Variants in MAK16 observed in about 807,000 individuals in gnomAD.
MAK16 encodes protein MAK16 homolog.
Under a neutral mutation model 49.9 loss-of-function variants are expected in MAK16, and 12 were observed. The ratio of observed to expected loss-of-function variants is 0.24; its 90% confidence interval spans 0.15 to 0.39. MAK16 has a LOEUF of 0.39. Among genes scored for constraint, MAK16 ranks in the 10% least tolerant of loss-of-function variants. MAK16 has a pLI of 1.00. For missense variants in MAK16, 292 were observed against 363.7 expected (o/e 0.80, Z 1.60); for synonymous variants, 115 against 126.4 (o/e 0.91, Z 0.60).
At position 33,489,252 on chromosome 8, in the gene MAK16, A is replaced by G. The variant is rs933672848; in HGVS notation, c.392+113A>G. ...TCTATTCAACTTTGTGGAGTCTGTT[A>G]TGATGTACTAAAGAGAAACTTTAGC... is the stretch of plus-strand genomic sequence containing the variant. On this transcript the variant is annotated intron_variant, in intron 5 of 9. Transcript: ENST00000360128. This position sits in a 1 kb window ranked among gnomAD's most constrained non-coding sequence, Gnocchi z 4.2. 1.2e-5 allele frequency: 11 copies of G among 906,780 alleles called. No individual in the cohort carries two copies. The highest frequency in any genetic ancestry group is 5.1e-5 in the East Asian group (2 of 39,034). 56.2% of individuals were successfully genotyped at this position (906,780 alleles called of 1,614,324 possible).
In MAK16 at chr8:33,498,910, C is replaced by T. The variant is rs1453341983; in HGVS notation, c.*281C>T. Reference sequence around the variant, plus strand: ...AGTTCTTGAATCTGGGATGAGATGACGGATGTAAATATTTCTAAATTTTAA... The same window carrying T: ...AGTTCTTGAATCTGGGATGAGATGATGGATGTAAATATTTCTAAATTTTAA... On this transcript the variant is annotated 3_prime_UTR_variant, in exon 10 of 10. Coordinates refer to ENST00000360128, the MANE Select transcript of MAK16 (RefSeq NM_032509.4). 23 of 573,116 alleles carry T rather than the reference C, an allele frequency of 4.0e-5. No individual in the cohort carries two copies. The highest frequency in any genetic ancestry group is 4.6e-4 in the Middle Eastern group (1 of 2,188). The allele number at this position is 573,116 out of a possible 1,614,324, so 35.5% of individuals were successfully genotyped here.
chr8:33,490,456 A>T, intron 6 of MAK16, 117 bp downstream of exon 6: 11 of 684,458 alleles, frequency 1.6e-5, no homozygotes, highest in Non-Finnish European at 2.5e-5. Flanking sequence ...TCACTAATAG[A>T]TAACTATTAG....
At chr8:33,487,395 G>A (rs1241448941) in intron 1 of MAK16, among the ~76,000 whole-genome samples, 2 of 151,244 alleles carry the variant, frequency 1.3e-5, no homozygotes, top group Non-Finnish European at 2.9e-5. Flanking sequence ...TAAAATTATG[G>A]TATGTATATC....
At chr8:33,494,295 G>T (rs1808822342) in intron 6 of MAK16, among the ~76,000 whole-genome samples, 1 of 152,112 alleles carries the variant, frequency 6.6e-6, no homozygotes, top group Admixed American at 6.5e-5. Context: ...GGCTGGTCTT[G>T]ATCTCCTGAC....
At chr8:33,495,418 A>G (rs1808841379) in intron 6 of MAK16, 124 bp from the exon 7 acceptor site, 2 of 771,170 alleles carry the variant, frequency 2.6e-6, no homozygotes, top group African/African-American at 1.8e-5. Flanking sequence ...AAAAGCCAGT[A>G]TTAGCAAGGA....
In MAK16 at chr8:33,499,230, C is replaced by T. The variant is rs1209476527; in HGVS notation, c.*601C>T. 1 of 1,614,042 alleles carries T rather than the reference C, an allele frequency of 6.2e-7. No homozygotes were observed. The highest frequency in any genetic ancestry group is 8.5e-7 in the Non-Finnish European group (1 of 1,179,990). Reference sequence around the variant, plus strand: ...CCTGCTGCACTTTTCTGATATAGTTCACCACTTTTCTGTCTTCACAGCTTT... The same window carrying T: ...CCTGCTGCACTTTTCTGATATAGTTTACCACTTTTCTGTCTTCACAGCTTT... On this transcript the variant is annotated 3_prime_UTR_variant, in exon 10 of 10. Transcript: ENST00000360128.
At chr8:33,486,375 A>G (rs1385504199) in intron 1 of MAK16, among the ~76,000 whole-genome samples, 2 of 152,232 alleles carry the variant, frequency 1.3e-5, no homozygotes, top group African/African-American at 4.8e-5. Context: ...CAATAAAGTG[A>G]GACTCCATCT....
chr8:33,496,898 G>A (rs1164794348), intron 8 of MAK16, among the ~76,000 whole-genome samples, 157 bp downstream of exon 8: 1 of 152,068 alleles, frequency 6.6e-6, no homozygotes, highest in Non-Finnish European at 1.5e-5. Context: ...CTGTTCTTCA[G>A]GCTAACCAAC....
rs1354348171 is a variant in MAK16 at position 33,499,930 on chromosome 8, A to T, written c.*1301A>T. ...TACCTAAAAGATGGTTGTCCCTAAA[A>T]AACTGGAAACATCTGAAATGCTCTA... On this transcript the variant is annotated 3_prime_UTR_variant, in exon 10 of 10. Coordinates refer to ENST00000360128, the MANE Select transcript of MAK16 (RefSeq NM_032509.4). 6.3e-6 allele frequency: 1 copy of T among 158,762 alleles called. No homozygotes were observed. Among genetic ancestry groups the T allele is most frequent in the African/African-American group, 2.4e-5 (1 of 41,516 alleles). 9.8% of individuals were successfully genotyped at this position (158,762 alleles called of 1,614,324 possible).
At chr8:33,496,877 C>A (rs761930672) in intron 8 of MAK16, 136 bp downstream of exon 8, 2 of 669,144 alleles carry the variant, frequency 3.0e-6, no homozygotes, top group Admixed American at 3.1e-5. Context: ...TTTGGTTTAG[C>A]ACTGGTTGCT....
Position 33,499,307 on chromosome 8 carries a change from A to T in MAK16, c.*678A>T, listed in dbSNP as rs79438627. ...AACATGAAACCAAACAGGCTTTGAT[A>T]TTTTTTTTTTTTTAATTACTTTCCC... On this transcript the variant is annotated 3_prime_UTR_variant, in exon 10 of 10. Coordinates refer to ENST00000360128, the MANE Select transcript of MAK16 (RefSeq NM_032509.4). The T allele has an allele frequency of 4.2e-3, 5,118 of 1,228,944 alleles. 132 individuals carry two copies. The African/African-American group carries it at 0.056, about 13-fold the overall frequency. The allele number at this position is 1,228,944 out of a possible 1,614,324, so 76.1% of individuals were successfully genotyped here.
rs373720446 is a variant in MAK16, at chr8:33,497,282, C to T, written c.690C>T (p.Asp230=). ...AAGATGGTGAGGTAGATGAGAGTGA[C>T]ATAAGTGATTTTGAGGTGAGCTTTA... ...FVEDGEVDES[D]ISDFEDMDKL... Residue 230 remains aspartate, a synonymous_variant, in exon 9 of 10, where the codon GAC becomes GAT. Transcript: ENST00000360128. 10 of 1,581,372 alleles carry T rather than the reference C, an allele frequency of 6.3e-6. No homozygotes were observed. Among genetic ancestry groups the T allele is most frequent in the Non-Finnish European group, 7.7e-6 (9 of 1,164,266 alleles).
At chr8:33,498,096 CAAAAAAAAA>C (rs71209938) in intron 9 of MAK16, among the ~76,000 whole-genome samples, 2 of 122,438 alleles carry the variant, frequency 1.6e-5, no homozygotes, top group African/African-American at 3.2e-5. Flanking sequence ...ACTCCGTCTC[CAAAAAAAAA>C]AAAAAAAAAA....
Position 33,488,757 on chromosome 8 carries a change from G to T in MAK16, c.199G>T (p.Val67Phe), listed in dbSNP as rs763226939. ...AGGACAGTGCTACTTGTATATGAAG[G>T]TTATAGAACGAGCGGCTTTTCCTCG... is the stretch of plus-strand genomic sequence containing the variant. ...EKGQCYLYMK[V>F]IERAAFPRRL... is the part of the protein sequence containing the mutation. Residue 67 changes from valine to phenylalanine, a missense_variant, in exon 4 of 10, where the codon GTT becomes TTT. Val to Phe is a conservative substitution (Grantham distance 50, BLOSUM62 -1). Coordinates refer to ENST00000360128, the MANE Select transcript of MAK16 (RefSeq NM_032509.4). 24 of 1,614,070 alleles carry T rather than the reference G, an allele frequency of 1.5e-5. No individual in the cohort carries two copies. In the South Asian group the frequency reaches 2.5e-4, roughly 17 times the overall value.
chr8:33,486,469 T>G (rs572489721), intron 1 of MAK16, among the ~76,000 whole-genome samples: 1 of 152,314 alleles, frequency 6.6e-6, no homozygotes, highest in East Asian at 1.9e-4. Flanking sequence ...GAAGGACTAC[T>G]TGAGCCGAAA....
At position 33,499,089 on chromosome 8, in the gene MAK16, A is replaced by G. The variant is rs1250347350; in HGVS notation, c.*460A>G. The G allele has an allele frequency of 2.5e-6, 3 of 1,190,134 alleles. No homozygotes were observed. The Admixed American group carries it at 5.5e-5, about 22-fold the overall frequency. 73.7% of individuals were successfully genotyped at this position (1,190,134 alleles called of 1,614,324 possible). On this transcript the variant is annotated 3_prime_UTR_variant, in exon 10 of 10. Transcript: ENST00000360128. Reference sequence around the variant, plus strand: ...TTTCACTTACAAAGTTTCGTGTAAAAATATCTTTTTTTCTTAAATAACTCC... The same window carrying G: ...TTTCACTTACAAAGTTTCGTGTAAAGATATCTTTTTTTCTTAAATAACTCC...
chr8:33,490,378 C>T (rs1808758481), intron 6 of MAK16, 39 bp downstream of exon 6: 3 of 1,556,890 alleles, frequency 1.9e-6, no homozygotes, highest in African/African-American at 1.4e-5. Flanking sequence ...TCTACATTTT[C>T]TTTCTGGGGG....
rs775096759 is a variant in MAK16 at position 33,495,593 on chromosome 8, C to T, written c.499C>T (p.Leu167=). The change falls in exon 7 of 10, where the codon CTG becomes TTG. Residue 167 remains leucine, a synonymous_variant. Transcript: ENST00000360128. ...GGACAATGCCATTGAGAAGGAATTA[C>T]TGGAGAGACTGAAACAAGATACGGT... is the stretch of plus-strand genomic sequence containing the variant. ...QLDNAIEKEL[L]ERLKQDTYGD... 1.9e-6 allele frequency: 3 copies of T among 1,608,356 alleles called. No homozygotes were observed. The highest frequency in any genetic ancestry group is 2.5e-6 in the Non-Finnish European group (3 of 1,177,754).
At chr8:33,497,351 AAAACAAAAAC>A in intron 9 of MAK16, 54 bp downstream of exon 9, 1 of 967,580 alleles carries the variant, frequency 1.0e-6, no homozygotes, top group Non-Finnish European at 1.5e-6. Flanking sequence ...AAAAAAAAAA[AAAACAAAAAC>A]AGGGAGGTGG....
Sources: gnomAD v4.1 joint callset for allele counts (sites outside exome capture counted in the v4.1 genomes callset) on GRCh38, gnomAD v4.1.1 for gene constraint, Gnocchi (gnomAD v3.1) non-coding constraint, MANE v1.5 for transcripts, NCBI Gene and HGNC (gene_info 2026-07-23, HGNC 2026-07-21) for gene names.